The following NPAS3 variants were observed in gnomAD, a reference collection of about 807,000 sequenced individuals.
NPAS3 encodes neuronal PAS domain protein 3.
A neutral mutation model predicts 73.1 loss-of-function variants in NPAS3; 14 were observed. The observed-to-expected ratio is 0.19, with a 90% CI of 0.13 to 0.30. The LOEUF is 0.30. Ranked by LOEUF, NPAS3 falls within the 10% of genes least tolerant of loss-of-function variation. The pLI, the probability that NPAS3 is intolerant of heterozygous loss-of-function variation, is 1.00. For synonymous variants in NPAS3, 620 were observed against 541.5 expected, an observed-to-expected ratio of 1.14 and a Z score of -2.01; for missense variants, 1,096 against 1,250.0, an observed-to-expected ratio of 0.88 and a Z score of 1.86.
rs2058564293 is a variant in NPAS3, at chr14:33,637,759, A to C, written c.559-38452A>C. ...TTTATCCGTCTCATTATTAAGCACA[A>C]AACAAGGTATCATTATTACCATGTA... On this transcript the variant is annotated intron_variant, in intron 5 of 11. Transcript: ENST00000356141. Among the ~76,000 whole-genome samples, 5 of 152,242 alleles carry C rather than the reference A, an allele frequency of 3.3e-5. No homozygotes were observed. The South Asian group carries it at 8.3e-4, about 25-fold the overall frequency.
At chr14:33,530,139 A>G (rs913963184) in intron 4 of NPAS3, among the ~76,000 whole-genome samples, 2 of 152,168 alleles carry the variant, frequency 1.3e-5, no homozygotes, top group African/African-American at 4.8e-5. Flanking sequence ...TTCTTAAACC[A>G]TCATTTTGCT....
chr14:33,136,302 G>A lies in NPAS3; in HGVS notation c.141-78880G>A, dbSNP rs371093325. Among the ~76,000 whole-genome samples the A allele has an allele frequency of 3.8e-3, 578 of 151,850 alleles. 2 individuals are homozygous for A. The highest frequency in any genetic ancestry group is 0.025 in the South Asian group (120 of 4,802). ...TCTCAATCTCCTGACCTCGTGATCC[G>A]CCCACCTTAGCCTCCCAAAGTGCTG... On this transcript the variant is annotated intron_variant, in intron 2 of 11. Coordinates refer to ENST00000356141, the Ensembl canonical transcript of NPAS3.
chr14:33,563,419 A>T (rs10144936), intron 5 of NPAS3, among the ~76,000 whole-genome samples: 46,808 of 151,330 alleles, frequency 0.31, 7,596 homozygotes, highest in African/African-American at 0.41. Flanking sequence ...TATTCTCTTT[A>T]AAGTATTCTC....
intron 4 of NPAS3, among the ~76,000 whole-genome samples, chr14:33,553,194 C>A (rs2055199814): frequency 6.6e-6 from 1 of 152,194 alleles, no homozygotes; most frequent in Non-Finnish European, 1.5e-5. Context: ...AAAGCCTAAA[C>A]TAGCATCCCA....
At chr14:33,711,545 G>A (rs1035312996) in intron 6 of NPAS3, among the ~76,000 whole-genome samples, 4 of 152,126 alleles carry the variant, frequency 2.6e-5, no homozygotes, top group Non-Finnish European at 5.9e-5. Flanking sequence ...ATCTTTTGAT[G>A]GAGAAAAATG....
At chr14:33,625,978 A>C (rs1310656125) in intron 5 of NPAS3, among the ~76,000 whole-genome samples, 1 of 152,206 alleles carries the variant, frequency 6.6e-6, no homozygotes. Flanking sequence ...TAAATGGTTA[A>C]CCAATGATAA....
intron 5 of NPAS3, among the ~76,000 whole-genome samples, chr14:33,675,662 A>G (rs1415949440): frequency 6.6e-6 from 1 of 152,212 alleles, no homozygotes; most frequent in Non-Finnish European, 1.5e-5. Context: ...TAATGAAAAC[A>G]TTATGCCTTT....
At chr14:33,402,481 C>G (rs1308890764) in intron 4 of NPAS3, among the ~76,000 whole-genome samples, 1 of 152,054 alleles carries the variant, frequency 6.6e-6, no homozygotes, top group East Asian at 1.9e-4. Context: ...CTGACCCTTA[C>G]CTTCTGTTAT....
At chr14:33,589,310 G>A (rs1326528564) in intron 5 of NPAS3, among the ~76,000 whole-genome samples, 1 of 152,184 alleles carries the variant, frequency 6.6e-6, no homozygotes, top group East Asian at 1.9e-4. Flanking sequence ...AATTCTATTT[G>A]TAGTTGAATG....
At chr14:33,649,874 TTGACCAGAGTGGTTGTAGTG>T (rs1454148046) in intron 5 of NPAS3, among the ~76,000 whole-genome samples, 2 of 152,102 alleles carry the variant, frequency 1.3e-5, no homozygotes. Flanking sequence ...GAAACCAAGT[TTGACCAGAGTGGTTGTAGTG>T]TGGAAGGCAG....
chr14:32,994,753 T>C (rs181700375), intron 1 of NPAS3, among the ~76,000 whole-genome samples: 1 of 151,860 alleles, frequency 6.6e-6, no homozygotes, highest in Admixed American at 6.6e-5. Context: ...TGCCTTGGCC[T>C]CCCAAGTAGC....
intron 2 of NPAS3, among the ~76,000 whole-genome samples, chr14:33,175,830 A>AT (rs11337544): frequency 6.6e-6 from 1 of 151,984 alleles, no homozygotes; most frequent in East Asian, 1.9e-4. Context: ...AAACGTTATC[A>AT]TTTTTTTATC....
rs535978635 is a variant in NPAS3, at chr14:33,352,715, T to C, written c.386-14471T>C. Among the ~76,000 whole-genome samples the C allele has an allele frequency of 1.4e-4, 22 of 152,304 alleles. No homozygotes were observed. In the South Asian group the frequency reaches 3.7e-3, roughly 26 times the overall value. On this transcript the variant is annotated intron_variant, in intron 3 of 11. Coordinates refer to ENST00000356141, the Ensembl canonical transcript of NPAS3. ...ACATTTCAAGATTCTTTGATGGATATTGTAGAGGACAGAGCTAGACATATG... is the reference window on the plus strand; with the variant it reads ...ACATTTCAAGATTCTTTGATGGATACTGTAGAGGACAGAGCTAGACATATG...
rs150828403 is a variant in NPAS3, at chr14:33,189,494, A to G, written c.141-25688A>G. On this transcript the variant is annotated intron_variant, in intron 2 of 11. Transcript: ENST00000356141. ...CACTGAGTAAGTCCCACGAGGGAGCACTAAGTGGAATGGAAATTAATTATT... is the reference window on the plus strand; with the variant it reads ...CACTGAGTAAGTCCCACGAGGGAGCGCTAAGTGGAATGGAAATTAATTATT... Among the ~76,000 whole-genome samples the G allele has an allele frequency of 3.9e-4, 59 of 152,338 alleles. No individual in the cohort carries two copies. The East Asian group carries it at 0.011, about 29-fold the overall frequency.
chr14:33,344,887 C>T (rs1240681384), intron 3 of NPAS3, among the ~76,000 whole-genome samples: 8 of 152,128 alleles, frequency 5.3e-5, no homozygotes, highest in Non-Finnish European at 4.4e-5. Flanking sequence ...AGGCATCATG[C>T]TGTTGGTGTG....
chr14:33,134,364 G>GGC (rs1256744089), intron 2 of NPAS3, among the ~76,000 whole-genome samples: 1 of 152,016 alleles, frequency 6.6e-6, no homozygotes, highest in Non-Finnish European at 1.5e-5. Flanking sequence ...CACTGTCAAC[G>GGC]GCGCTATCAT....
chr14:33,200,510 A>T (rs2046574011), intron 2 of NPAS3, among the ~76,000 whole-genome samples: 1 of 152,040 alleles, frequency 6.6e-6, no homozygotes, highest in African/African-American at 2.4e-5. Flanking sequence ...CTTCATACCC[A>T]TACCTTTATG....
At chr14:33,308,559 C>CACACACAT (rs1235428200) in intron 3 of NPAS3, among the ~76,000 whole-genome samples, 12 of 60,670 alleles carry the variant, frequency 2.0e-4, no homozygotes, top group African/African-American at 1.4e-3. Context: ...CACACACATA[C>CACACACAT]ATACATTATA....
chr14:33,640,691 G>A (rs1034537308), intron 5 of NPAS3, among the ~76,000 whole-genome samples: 1 of 152,158 alleles, frequency 6.6e-6, no homozygotes, highest in African/African-American at 2.4e-5. Flanking sequence ...AATACTCCCA[G>A]AAACTTTGGG....
Sources: allele counts gnomAD v4.1 joint callset (sites outside exome capture counted in the v4.1 genomes callset), GRCh38; gene constraint gnomAD v4.1.1; transcripts MANE v1.5; gene names NCBI Gene and HGNC (gene_info 2026-07-23, HGNC 2026-07-21).